Variants in CDH18 observed in about 807,000 individuals in gnomAD.
The protein encoded by CDH18 is cadherin 18.
CDH18 carries 31 observed loss-of-function variants against 67.9 expected under a neutral mutation model. The ratio of observed to expected loss-of-function variants is 0.46; its 90% CI spans 0.34 to 0.62. The LOEUF (loss-of-function observed/expected upper bound fraction) is 0.62. CDH18 is among the 20% of genes least tolerant of loss of function. The pLI, the probability that CDH18 is intolerant of heterozygous loss-of-function variation, is 0.01. For synonymous variants in CDH18, 362 were observed against 347.2 expected, an observed-to-expected ratio of 1.04 and a Z score of -0.48; for missense variants, 890 against 975.5, an observed-to-expected ratio of 0.91 and a Z score of 1.17.
intron 1 of CDH18, among the ~76,000 whole-genome samples, chr5:20,268,498 T>C (rs1002366402): frequency 2.4e-4 from 37 of 152,126 alleles, no homozygotes; most frequent in African/African-American, 8.9e-4. Context: ...GGCACTGGTA[T>C]GTCAAGATAG....
At chr5:19,976,949 T>C (rs1029400131) in intron 2 of CDH18, among the ~76,000 whole-genome samples, 3 of 152,130 alleles carry the variant, frequency 2.0e-5, no homozygotes, top group Non-Finnish European at 4.4e-5. Flanking sequence ...TTTAAAAAGC[T>C]GAATAAAATT....
At chr5:20,134,518 A>G (rs1234504829) in intron 2 of CDH18, among the ~76,000 whole-genome samples, 1 of 152,038 alleles carries the variant, frequency 6.6e-6, no homozygotes, top group Non-Finnish European at 1.5e-5. Flanking sequence ...TATCGGTTGT[A>G]ACATCTTTTA....
intron 3 of CDH18, among the ~76,000 whole-genome samples, chr5:19,812,766 C>G (rs756703941): frequency 2.6e-5 from 4 of 152,036 alleles, no homozygotes; most frequent in Non-Finnish European, 5.9e-5. Context: ...TGTGGCGATT[C>G]CTCAAGGATC....
chr5:19,584,641 T>C (rs1743809060), intron 7 of CDH18, among the ~76,000 whole-genome samples: 1 of 151,486 alleles, frequency 6.6e-6, no homozygotes, highest in African/African-American at 2.4e-5. Context: ...AAATCTAGAC[T>C]ACATTAAAAA....
chr5:19,711,464 G>T (rs1581004836), intron 5 of CDH18, among the ~76,000 whole-genome samples: 1 of 151,530 alleles, frequency 6.6e-6, no homozygotes, highest in African/African-American at 2.4e-5. Context: ...AGACATAACA[G>T]ACATTTCTCA....
intron 2 of CDH18, among the ~76,000 whole-genome samples, chr5:19,904,871 G>C (rs576951534): frequency 1.8e-4 from 27 of 152,252 alleles, no homozygotes; most frequent in African/African-American, 6.3e-4. Flanking sequence ...AAAATATCAT[G>C]ACAGTTGCAG....
chr5:20,138,890 T>C (rs6883616), intron 2 of CDH18, among the ~76,000 whole-genome samples: 129,721 of 152,126 alleles, frequency 0.85, 56,629 homozygotes, highest in Non-Finnish European at 0.94. Flanking sequence ...CCATACTGCC[T>C]AAGGTAATTT....
At chr5:20,163,016 G>A (rs1207875349) in intron 2 of CDH18, among the ~76,000 whole-genome samples, 6 of 151,862 alleles carry the variant, frequency 4.0e-5, no homozygotes, top group Non-Finnish European at 5.9e-5. Flanking sequence ...CTGAGATCGC[G>A]CCAGTGCACT....
intron 2 of CDH18, among the ~76,000 whole-genome samples, chr5:20,071,056 C>T (rs1208420483): frequency 6.6e-6 from 1 of 152,062 alleles, no homozygotes; most frequent in Non-Finnish European, 1.5e-5. Context: ...GCTATGAAAA[C>T]ATATCCAAAA....
At position 20,398,938 on chromosome 5, in the gene CDH18, T is replaced by C. The variant is rs562033484; in HGVS notation, c.-579-143433A>G. Among the ~76,000 whole-genome samples, 358 of 81,368 alleles carry C rather than the reference T, an allele frequency of 4.4e-3. 6 individuals are homozygous for C. The highest frequency in any genetic ancestry group is 6.4e-3 in the Middle Eastern group (1 of 156). 53.4% of individuals were successfully genotyped at this position (81,368 alleles called of 152,430 possible). A position where few individuals can be genotyped will look rare whatever the true frequency, so the allele number is the denominator to read the frequency against. On this transcript the variant is annotated intron_variant, in intron 1 of 14. Transcript: ENST00000507958. ...AAAACCACCACGGCACACGTATACC[T>C]ACATAGAAAACCACCATGGCACATG...
chr5:19,677,024 G>A (rs1361725374), intron 5 of CDH18, among the ~76,000 whole-genome samples: 5 of 152,044 alleles, frequency 3.3e-5, no homozygotes, highest in South Asian at 4.1e-4. Context: ...GGCAAGAATT[G>A]AGGTTGCTTT....
chr5:19,554,931 C>G (rs534623637), intron 8 of CDH18, among the ~76,000 whole-genome samples: 116 of 152,298 alleles, frequency 7.6e-4, no homozygotes, highest in Non-Finnish European at 7.9e-4. Context: ...GTCAAGTTAA[C>G]ACTTTGGAAC....
intron 9 of CDH18, among the ~76,000 whole-genome samples, chr5:19,525,970 C>T (rs529241439): frequency 1.8e-4 from 28 of 152,040 alleles, no homozygotes; most frequent in African/African-American, 6.7e-4. Flanking sequence ...TTTTCATATT[C>T]TTTTGACAGC....
Position 20,436,894 on chromosome 5 carries a change from A to G in CDH18, c.-580+138568T>C, listed in dbSNP as rs1749207243. ...GCAATTCATCATAAATTATTATTCT[A>G]TGAGGAACATTTAGATTTGAGTTAC... On this transcript the variant is annotated intron_variant, in intron 1 of 14. Transcript: ENST00000507958. Among the ~76,000 whole-genome samples the G allele has an allele frequency of 1.3e-5, 2 of 151,644 alleles. 1 individual carries two copies. Among genetic ancestry groups the G allele is most frequent in the South Asian group, 4.1e-4 (2 of 4,834 alleles).
At chr5:20,271,355 A>C (rs1745420175) in intron 1 of CDH18, among the ~76,000 whole-genome samples, 1 of 152,016 alleles carries the variant, frequency 6.6e-6, no homozygotes, top group African/African-American at 2.4e-5. Context: ...TTTGTGTTCT[A>C]TTGCTCTACA....
chr5:19,824,380 C>T (rs1334323294), intron 3 of CDH18, among the ~76,000 whole-genome samples: 3 of 152,108 alleles, frequency 2.0e-5, no homozygotes, highest in Non-Finnish European at 4.4e-5. Context: ...GACAGGAGAA[C>T]CTCCCCAGTA....
intron 3 of CDH18, among the ~76,000 whole-genome samples, chr5:19,787,572 TAAG>T (rs1775942126): frequency 6.6e-6 from 1 of 152,078 alleles, no homozygotes; most frequent in Admixed American, 6.6e-5. Context: ...CATGTGCATA[TAAG>T]AAGACTAAGC....
chr5:20,030,370 A>G (rs887265285), intron 2 of CDH18, among the ~76,000 whole-genome samples: 8 of 152,208 alleles, frequency 5.3e-5, no homozygotes, highest in Non-Finnish European at 1.2e-4. Context: ...GTTATGAGGT[A>G]TCTGTCCAGA....
At chr5:20,555,930 C>G (rs1757881298) in intron 1 of CDH18, among the ~76,000 whole-genome samples, 1 of 152,164 alleles carries the variant, frequency 6.6e-6, no homozygotes, top group Admixed American at 6.6e-5. Flanking sequence ...ATCCTCACTG[C>G]TTTTCAAACG....
Sources: gnomAD v4.1 joint callset for allele counts (sites outside exome capture counted in the v4.1 genomes callset) on GRCh38, gnomAD v4.1.1 for gene constraint, MANE v1.5 for transcripts, NCBI Gene and HGNC (gene_info 2026-07-23, HGNC 2026-07-21) for gene names.